NOL10: variants seen among roughly 807,000 people sequenced by gnomAD.
NOL10 encodes H_NH0074G24.1.
Under a neutral mutation model 103.5 loss-of-function variants are expected in NOL10, and 58 were observed. That is an observed-to-expected ratio of 0.56 (90% confidence interval 0.45 to 0.70). NOL10 has a LOEUF of 0.70. Ranked by LOEUF, NOL10 falls within the 30% of genes least tolerant of loss-of-function variation. NOL10 has a pLI of 0.00. For missense variants in NOL10, 763 were observed against 807.3 expected, an observed-to-expected ratio of 0.95 and a Z score of 0.67; for synonymous variants, 287 against 282.5, an observed-to-expected ratio of 1.02 and a Z score of -0.16.
intron 3 of NOL10, among the ~76,000 whole-genome samples, chr2:10,680,536 T>C (rs1681685107): frequency 1.3e-5 from 2 of 152,244 alleles, no homozygotes; most frequent in Admixed American, 1.3e-4. Flanking sequence ...TCACTTAATA[T>C]CTCTGGATCT....
intron 20 of NOL10, among the ~76,000 whole-genome samples, chr2:10,575,031 A>G (rs1024476818): frequency 1.3e-5 from 2 of 152,336 alleles, no homozygotes; most frequent in Non-Finnish European, 1.5e-5. Context: ...GATAGGATCT[A>G]TGGGCCATTA....
At chr2:10,626,589 G>A (rs1481529382) in intron 13 of NOL10, among the ~76,000 whole-genome samples, 1 of 151,846 alleles carries the variant, frequency 6.6e-6, no homozygotes, top group Non-Finnish European at 1.5e-5. Context: ...CGCCACCTAA[G>A]TGACTACACA....
At chr2:10,616,889 C>T (rs1676861939) in intron 13 of NOL10, among the ~76,000 whole-genome samples, 1 of 152,114 alleles carries the variant, frequency 6.6e-6, no homozygotes, top group Non-Finnish European at 1.5e-5. Context: ...GCTCCCTCCC[C>T]ATTCACTTAT....
In NOL10 at chr2:10,683,106, A is replaced by C. The variant is rs545913973; in HGVS notation, c.113-1037T>G. 2.8e-4 allele frequency among the ~76,000 whole-genome samples: 43 copies of C among 152,326 alleles called. No individual in the cohort carries two copies. In the South Asian group the frequency reaches 7.0e-3, roughly 25 times the overall value. Reference sequence around the variant, plus strand: ...CCCAACCTCTTAAGTTTATATAAGAAACTGCTACGAAGCTGACTTATACCT... The same window carrying C: ...CCCAACCTCTTAAGTTTATATAAGACACTGCTACGAAGCTGACTTATACCT... On this transcript the variant is annotated intron_variant, in intron 2 of 20. Coordinates refer to ENST00000381685, the MANE Select transcript of NOL10 (RefSeq NM_024894.4).
intron 17 of NOL10, among the ~76,000 whole-genome samples, chr2:10,594,498 C>A (rs567599887): frequency 1.3e-5 from 2 of 152,248 alleles, no homozygotes; most frequent in South Asian, 4.1e-4. Flanking sequence ...CTAGAAGCAA[C>A]TTCTTCAGGA....
intron 13 of NOL10, among the ~76,000 whole-genome samples, chr2:10,628,659 T>C (rs566198436): frequency 6.6e-6 from 1 of 152,252 alleles, no homozygotes; most frequent in African/African-American, 2.4e-5. Flanking sequence ...CATCTGGTGT[T>C]AGAATAGGAC....
chr2:10,644,718 G>A (rs1475278398), intron 12 of NOL10, among the ~76,000 whole-genome samples: 2 of 152,206 alleles, frequency 1.3e-5, no homozygotes, highest in Non-Finnish European at 2.9e-5. Flanking sequence ...ATAACAGACT[G>A]AACCAACAGG....
chr2:10,600,306 T>C (rs1012560399), intron 17 of NOL10, among the ~76,000 whole-genome samples: 1 of 152,174 alleles, frequency 6.6e-6, no homozygotes, highest in Non-Finnish European at 1.5e-5. Context: ...TATTTTCACA[T>C]TAATAAAGGA....
chr2:10,634,715 G>A (rs1678083539), intron 13 of NOL10, among the ~76,000 whole-genome samples: 2 of 152,224 alleles, frequency 1.3e-5, no homozygotes, highest in South Asian at 4.1e-4. Context: ...GGTCAGGGGA[G>A]AGAGGCAAGA....
intron 17 of NOL10, among the ~76,000 whole-genome samples, chr2:10,590,270 G>A (rs368533833): frequency 1.3e-5 from 2 of 152,004 alleles, no homozygotes; most frequent in South Asian, 2.1e-4. Flanking sequence ...CACCGCACCC[G>A]GCTAATTTTT....
chr2:10,669,201 G>C (rs1490569413), intron 6 of NOL10, among the ~76,000 whole-genome samples: 2 of 151,372 alleles, frequency 1.3e-5, no homozygotes, highest in Non-Finnish European at 2.9e-5. Context: ...CTAATTTTTT[G>C]TATTTTTAGT....
At chr2:10,648,337 T>G (rs1424430898) in intron 12 of NOL10, among the ~76,000 whole-genome samples, 2 of 152,156 alleles carry the variant, frequency 1.3e-5, no homozygotes, top group African/African-American at 4.8e-5. Context: ...CACAAAGAGT[T>G]GAACGGGAGG....
chr2:10,667,334 GAAGGAATATTA>G, intron 7 of NOL10, 56 bp from the exon 8 acceptor site: 1 of 1,213,000 alleles, frequency 8.2e-7, no homozygotes, highest in Non-Finnish European at 1.2e-6. Flanking sequence ...CTTTAGTGGG[GAAGGAATATTA>G]AATAAATAAA....
chr2:10,687,999 C>T (rs1377639825), intron 1 of NOL10, among the ~76,000 whole-genome samples: 2 of 152,166 alleles, frequency 1.3e-5, no homozygotes, highest in African/African-American at 4.8e-5. Context: ...GATTCTTCTC[C>T]ATGTCAGTTA....
chr2:10,607,306 CA>C lies in NOL10; in HGVS notation c.1031del (p.Leu344TrpfsTer11). On this transcript the variant is annotated frameshift_variant, in exon 14 of 21. Transcript: ENST00000381685. LOFTEE classifies it high-confidence loss of function. ...PKMGIYYIPV[L>X]GPAPRWCSFL... ...AGGAACACCACCGAGGAGCAGGACC[CA>C]AAACCTGTTGGTGTTTATGAGAAGG... 1 of 1,598,484 alleles carries C rather than the reference CA, an allele frequency of 6.3e-7. No individual in the cohort carries two copies. Among genetic ancestry groups the C allele is most frequent in the Non-Finnish European group, 8.5e-7 (1 of 1,173,700 alleles).
intron 13 of NOL10, among the ~76,000 whole-genome samples, chr2:10,626,425 G>T (rs938110274): frequency 2.0e-5 from 3 of 152,040 alleles, no homozygotes; most frequent in African/African-American, 7.2e-5. Flanking sequence ...GTAAGTCCTA[G>T]AACTTTCTTA....
chr2:10,653,209 A>C (rs1679598053), intron 12 of NOL10, among the ~76,000 whole-genome samples: 1 of 151,858 alleles, frequency 6.6e-6, no homozygotes, highest in Non-Finnish European at 1.5e-5. Context: ...AAAAAAAAAA[A>C]ACCACACATT....
At chr2:10,626,620 G>C (rs1403783300) in intron 13 of NOL10, among the ~76,000 whole-genome samples, 1 of 152,008 alleles carries the variant, frequency 6.6e-6, no homozygotes, top group Non-Finnish European at 1.5e-5. Flanking sequence ...TGAAATACTA[G>C]GTTTAAGTCC....
At chr2:10,638,306 ACGTGACGTGACGTGACGTG>A (rs1558311173) in intron 13 of NOL10, among the ~76,000 whole-genome samples, 42 of 125,820 alleles carry the variant, frequency 3.3e-4, no homozygotes, top group African/African-American at 1.3e-3. Flanking sequence ...ACGTAACGTG[ACGTGACGTGACGTGACGTG>A]ACGTGACGTA....
Sources: allele counts gnomAD v4.1 joint callset (sites outside exome capture counted in the v4.1 genomes callset), GRCh38; gene constraint gnomAD v4.1.1; transcripts MANE v1.5; gene names NCBI Gene and HGNC (gene_info 2026-07-23, HGNC 2026-07-21).